The following ARID1A variants were observed in gnomAD, a reference collection of about 807,000 sequenced individuals.
ARID1A encodes AT-rich interactive domain-containing protein 1A.
A neutral mutation model predicts 212.6 loss-of-function variants in ARID1A; 20 were observed. The observed-to-expected ratio is 0.09, with a 90% CI of 0.07 to 0.14. The LOEUF is 0.14. ARID1A is among the 10% of genes least tolerant of loss of function. ARID1A has a pLI of 1.00. For synonymous variants in ARID1A, 1,376 were observed against 1,222.1 expected (o/e 1.13, Z -2.63); for missense variants, 2,587 against 3,059.0 (o/e 0.85, Z 3.64).
chr1:26,766,529 A>G lies in ARID1A; in HGVS notation c.2951A>G (p.Lys984Arg). ...KLTPATKMNN[K>R]ADGTPKTESK... ...ACTCCAGCCACCAAAATGAACAACA[A>G]GGCAGATGGGACACCCAAGACAGAA... Residue 984 changes from lysine to arginine, a missense_variant, in exon 10 of 20, where the codon AAG (lysine) becomes AGG (arginine). Transcript: ENST00000324856. The G allele has an allele frequency of 6.2e-7, 1 of 1,613,768 alleles. No individual in the cohort carries two copies. Among genetic ancestry groups the G allele is most frequent in the Non-Finnish European group, 8.5e-7 (1 of 1,179,814 alleles).
intron 1 of ARID1A, among the ~76,000 whole-genome samples, chr1:26,708,384 A>G (rs958794849): frequency 2.3e-5 from 3 of 132,440 alleles, no homozygotes; most frequent in Non-Finnish European, 4.6e-5. Context: ...TCCTGGGTTC[A>G]AGTGATTCTT....
chr1:26,738,185 G>A (rs141347824), intron 4 of ARID1A, among the ~76,000 whole-genome samples: 29 of 151,770 alleles, frequency 1.9e-4, no homozygotes, highest in African/African-American at 6.5e-4. Context: ...TACCACACCC[G>A]GCTAATTTTT....
intron 1 of ARID1A, among the ~76,000 whole-genome samples, chr1:26,728,600 T>C (rs2080641753): frequency 6.6e-6 from 1 of 152,198 alleles, no homozygotes; most frequent in Non-Finnish European, 1.5e-5. Context: ...AATGAACCAC[T>C]GAACTCCTTC....
intron 1 of ARID1A, among the ~76,000 whole-genome samples, chr1:26,722,297 G>GT (rs1199953464): frequency 1.3e-5 from 2 of 152,150 alleles, no homozygotes; most frequent in African/African-American, 4.8e-5. Context: ...CCAGGCTGGA[G>GT]TGCAGTGGTG....
At chr1:26,704,108 C>T (rs1461288510) in intron 1 of ARID1A, among the ~76,000 whole-genome samples, 1 of 152,232 alleles carries the variant, frequency 6.6e-6, no homozygotes, top group Non-Finnish European at 1.5e-5. Flanking sequence ...GCACATCCAT[C>T]TCCAGACCAG....
At chr1:26,729,502 A>T in intron 1 of ARID1A, 149 bp from the exon 2 acceptor site, 3 of 855,786 alleles carry the variant, frequency 3.5e-6, no homozygotes, top group Non-Finnish European at 5.5e-6. Context: ...CAGTTGACTT[A>T]AAGGTTACTA....
At chr1:26,759,874 CCTT>C (rs1349483255) in intron 4 of ARID1A, among the ~76,000 whole-genome samples, 1 of 152,194 alleles carries the variant, frequency 6.6e-6, no homozygotes, top group African/African-American at 2.4e-5. Flanking sequence ...TAGTCCCAGA[CCTT>C]CTTGGCAGTT....
intron 4 of ARID1A, among the ~76,000 whole-genome samples, chr1:26,734,345 T>A (rs76296530): frequency 8.2e-5 from 2 of 24,470 alleles, no homozygotes; most frequent in Non-Finnish European, 1.3e-4. Context: ...TTTGGCTTCT[T>A]TTTTTTTTTT....
At chr1:26,761,889 C>G (rs2080996097) in intron 6 of ARID1A, among the ~76,000 whole-genome samples, 1 of 152,108 alleles carries the variant, frequency 6.6e-6, no homozygotes, top group Non-Finnish European at 1.5e-5. Context: ...CTTCACTCAT[C>G]AAGTCATTCA....
At chr1:26,757,958 G>T (rs910487056) in intron 4 of ARID1A, among the ~76,000 whole-genome samples, 5 of 152,160 alleles carry the variant, frequency 3.3e-5, no homozygotes, top group African/African-American at 1.2e-4. Context: ...TTTTCAAAGC[G>T]ATTTGAACTG....
chr1:26,734,660 A>G (rs536755397), intron 4 of ARID1A, among the ~76,000 whole-genome samples: 62 of 152,338 alleles, frequency 4.1e-4, no homozygotes, highest in African/African-American at 1.0e-3. Flanking sequence ...CTACTTGGGC[A>G]GGCATCAAAA....
chr1:26,698,108 T>A (rs2080296439), intron 1 of ARID1A, among the ~76,000 whole-genome samples: 1 of 152,214 alleles, frequency 6.6e-6, no homozygotes, highest in South Asian at 2.1e-4. Flanking sequence ...TCTCCTGTCT[T>A]AGGCTCCGCC....
intron 1 of ARID1A, among the ~76,000 whole-genome samples, chr1:26,702,878 T>C (rs1467435852): frequency 2.0e-5 from 3 of 152,124 alleles, no homozygotes; most frequent in Admixed American, 2.0e-4. Context: ...GGAAAGAAGA[T>C]CCTGACTGTC....
rs2124120829 is a variant in ARID1A at position 26,774,827 on chromosome 1, C to T, written c.4600C>T (p.His1534Tyr). Residue 1534 changes from histidine (H) to tyrosine (Y), a missense_variant, in exon 18 of 20, where the codon CAC becomes TAC. Coordinates refer to ENST00000324856, the MANE Select transcript of ARID1A (RefSeq NM_006015.6). The surrounding 1 kb of genome is among the most constrained non-coding windows in gnomAD (Gnocchi z 5.6). ...CGTGAACCGAACAGATGAAATGCTG[C>T]ACACAGATCAGAGGGCCAACCACGA... is the stretch of plus-strand genomic sequence containing the variant. ...HGVNRTDEML[H>Y]TDQRANHEGS... The T allele has an allele frequency of 6.2e-7, 1 of 1,613,204 alleles. No homozygotes were observed. The highest frequency in any genetic ancestry group is 8.5e-7 in the Non-Finnish European group (1 of 1,179,440).
chr1:26,775,437 G>GCTGGTGTGTTTCAT, intron 18 of ARID1A, 140 bp from the exon 19 acceptor site: 1 of 1,400,362 alleles, frequency 7.1e-7, no homozygotes, highest in Non-Finnish European at 9.5e-7. Flanking sequence ...GCCATGAGGG[G>GCTGGTGTGTTTCAT]CTGGTGTGTT....
Position 26,779,442 on chromosome 1 carries a change from G to T in ARID1A, c.5544G>T (p.Gly1848=), listed in dbSNP as rs557275114. Residue 1848 remains glycine, a synonymous_variant, in exon 20 of 20, where the codon GGG becomes GGT. Transcript: ENST00000324856. ...DSGLLHWRIG[G]GDTTEHIQTH... is the part of the protein sequence containing the mutation. ...GCCTGCTGCACTGGCGGATTGGTGG[G>T]GGGGACACCACTGAGCATATCCAGA... 3 of 1,614,104 alleles carry T rather than the reference G, an allele frequency of 1.9e-6. No individual in the cohort carries two copies. Among genetic ancestry groups the T allele is most frequent in the Admixed American group, 1.7e-5 (1 of 60,012 alleles).
rs778542329 is a variant in ARID1A, at chr1:26,731,418, G to A, written c.1617G>A (p.Ser539=). 7.4e-6 allele frequency: 12 copies of A among 1,613,418 alleles called. No individual in the cohort carries two copies. The East Asian group carries it at 1.8e-4, about 24-fold the overall frequency. ...CGGCTCCATACCCCTCCCAGCAGTC[G>A]ACGACACAGCAGCACCCCCAGAGCC... ...QSPAPYPSQQ[S]TTQQHPQSQP... The change falls in exon 3 of 20, where the codon TCG becomes TCA. Residue 539 remains serine (S), a synonymous_variant. Coordinates refer to ENST00000324856, the MANE Select transcript of ARID1A (RefSeq NM_006015.6).
chr1:26,734,343 CTTTTTTT>C (rs55976597), intron 4 of ARID1A, among the ~76,000 whole-genome samples: 1 of 121,474 alleles, frequency 8.2e-6, no homozygotes, highest in Non-Finnish European at 1.7e-5. Context: ...TATTTGGCTT[CTTTTTTT>C]TTTTTTTTTT....
chr1:26,713,792 A>G (rs1369942755), intron 1 of ARID1A, among the ~76,000 whole-genome samples: 1 of 152,158 alleles, frequency 6.6e-6, no homozygotes, highest in Non-Finnish European at 1.5e-5. Flanking sequence ...TGGTCTGGAG[A>G]CAGATTCCTT....
Sources: allele counts gnomAD v4.1 joint callset (sites outside exome capture counted in the v4.1 genomes callset), GRCh38; gene constraint gnomAD v4.1.1; non-coding constraint Gnocchi (gnomAD v3.1); transcripts MANE v1.5; gene names NCBI Gene and HGNC (gene_info 2026-07-23, HGNC 2026-07-21).